Variants in ZNF512 observed in about 807,000 individuals in gnomAD.
The protein encoded by ZNF512 is zinc finger protein 512.
ZNF512 carries 25 observed loss-of-function variants against 77.5 expected under a neutral mutation model. The observed-to-expected ratio is 0.32, with a 90% confidence interval of 0.23 to 0.45. The LOEUF is 0.45. Among genes scored for constraint, ZNF512 ranks in the 20% least tolerant of loss-of-function variants. ZNF512 has a pLI of 1.00. For missense variants in ZNF512, 483 were observed against 692.6 expected, an observed-to-expected ratio of 0.70 and a Z score of 3.40; for synonymous variants, 246 against 239.9, an observed-to-expected ratio of 1.03 and a Z score of -0.24.
Position 27,603,590 on chromosome 2 carries a change from A to ATATT in ZNF512, c.936+284_936+285insATTT, listed in dbSNP as rs1553352045. On this transcript the variant is annotated intron_variant, in intron 9 of 13. Coordinates refer to ENST00000355467, the MANE Select transcript of ZNF512 (RefSeq NM_032434.4). ...TTTTATATAGTGTGTGTGTGTGTAT[A>ATATT]TTTTTTTTTTTTTTTTTCTTCAAGA... Among the ~76,000 whole-genome samples, 652 of 85,634 alleles carry ATATT rather than the reference A, an allele frequency of 7.6e-3. 10 individuals are homozygous for ATATT. Among genetic ancestry groups the ATATT allele is most frequent in the African/African-American group, 0.03 (625 of 20,874 alleles). 56.2% of individuals were successfully genotyped at this position (85,634 alleles called of 152,430 possible).
chr2:27,615,476 T>G (rs961466130), intron 11 of ZNF512, among the ~76,000 whole-genome samples: 18 of 152,240 alleles, frequency 1.2e-4, no homozygotes, highest in Non-Finnish European at 2.2e-4. Context: ...GAATCGCTCA[T>G]AAAAGTGCGT....
chr2:27,621,637 CT>C lies in ZNF512; in HGVS notation c.*177del. The C allele has an allele frequency of 1.5e-6, 1 of 668,518 alleles. No individual in the cohort carries two copies. Among genetic ancestry groups the C allele is most frequent in the Non-Finnish European group, 2.4e-6 (1 of 414,350 alleles). 41.4% of individuals were successfully genotyped at this position (668,518 alleles called of 1,614,324 possible). On this transcript the variant is annotated 3_prime_UTR_variant, in exon 14 of 14. Transcript: ENST00000355467. ...TCCCTTCTTACATTTTGATTCCCCCCTCCCCTTTTAGTAGGTTTTCCTGCTA... is the reference window on the plus strand; with the variant it reads ...TCCCTTCTTACATTTTGATTCCCCCCCCCCTTTTAGTAGGTTTTCCTGCTA...
rs1312699011 is a variant in ZNF512 at position 27,610,880 on chromosome 2, A to G, written c.1131+2841A>G. On this transcript the variant is annotated intron_variant, in intron 10 of 13. Transcript: ENST00000355467. Reference sequence around the variant, plus strand: ...AGCTACTGTGCGTGGCCTGGTTTATATTTTCGACAGCGTATAGATAAAAGG... The same window carrying G: ...AGCTACTGTGCGTGGCCTGGTTTATGTTTTCGACAGCGTATAGATAAAAGG... Among the ~76,000 whole-genome samples, 3 of 151,608 alleles carry G rather than the reference A, an allele frequency of 2.0e-5. No homozygotes were observed. The East Asian group carries it at 5.8e-4, about 29-fold the overall frequency.
rs759771200 is a variant in ZNF512 at position 27,603,320 on chromosome 2, T to A, written c.936+13T>A. Reference sequence around the variant, plus strand: ...AGAGCATGGGCCTGTGAGTACTGATTCCTTTCTATACCCTGCGTGGGGATG... The same window carrying A: ...AGAGCATGGGCCTGTGAGTACTGATACCTTTCTATACCCTGCGTGGGGATG... On this transcript the variant is annotated intron_variant, in intron 9 of 13. Coordinates refer to ENST00000355467, the MANE Select transcript of ZNF512 (RefSeq NM_032434.4). 4.3e-6 allele frequency: 7 copies of A among 1,613,388 alleles called. No homozygotes were observed. In the South Asian group the frequency reaches 7.7e-5, roughly 18 times the overall value.
Position 27,621,652 on chromosome 2 carries a change from G to A in ZNF512, c.*191G>A. On this transcript the variant is annotated 3_prime_UTR_variant, in exon 14 of 14. Transcript: ENST00000355467. ...TGATTCCCCCCTCCCCTTTTAGTAG[G>A]TTTTCCTGCTATTCCTCGTCAAGTC... 1.7e-6 allele frequency: 1 copy of A among 603,710 alleles called. No homozygotes were observed. The highest frequency in any genetic ancestry group is 3.1e-5 in the East Asian group (1 of 31,980). 37.4% of individuals were successfully genotyped at this position (603,710 alleles called of 1,614,324 possible). A position where few individuals can be genotyped will look rare whatever the true frequency, so the allele number is the denominator to read the frequency against.
At chr2:27,608,129 C>A in intron 10 of ZNF512, 90 bp downstream of exon 10, 2 of 1,178,332 alleles carry the variant, frequency 1.7e-6, no homozygotes, top group Non-Finnish European at 2.3e-6. Context: ...TGAGGAAGTA[C>A]GTGATAGGCA....
At chr2:27,614,638 A>C (rs968048513) in intron 10 of ZNF512, among the ~76,000 whole-genome samples, 1 of 150,966 alleles carries the variant, frequency 6.6e-6, no homozygotes, top group Non-Finnish European at 1.5e-5. Flanking sequence ...AGATCGTGCC[A>C]CTGCACTCCA....
At chr2:27,583,752 G>A (rs1365254639) in intron 2 of ZNF512, 36 bp downstream of exon 2, 1 of 1,611,248 alleles carries the variant, frequency 6.2e-7, no homozygotes, top group Admixed American at 1.7e-5. Flanking sequence ...TTATGATTGT[G>A]TCACCAGCGC....
chr2:27,586,348 G>A (rs910994368), intron 2 of ZNF512, among the ~76,000 whole-genome samples: 6 of 152,088 alleles, frequency 3.9e-5, no homozygotes, highest in Non-Finnish European at 8.8e-5. Flanking sequence ...TCCTGCCTCA[G>A]CCTCCCGAGT....
Position 27,600,050 on chromosome 2 carries a change from G to A in ZNF512, c.454G>A (p.Ala152Thr). 6.2e-7 allele frequency: 1 copy of A among 1,614,058 alleles called. No individual in the cohort carries two copies. The highest frequency in any genetic ancestry group is 8.5e-7 in the Non-Finnish European group (1 of 1,179,966). The change falls in exon 5 of 14, where the codon GCA (alanine) becomes ACA (threonine). Residue 152 changes from alanine to threonine, a missense_variant. By Grantham distance (58) the Ala-to-Thr change is moderately conservative. Transcript: ENST00000355467. ...RIRKEPPVYA[A>T]GSLEEQWYLE... Reference sequence around the variant, plus strand: ...TCGGAAGGAACCACCAGTTTATGCAGCAGGTATGTTTTCTTTTGGAAGTTT... The same window carrying A: ...TCGGAAGGAACCACCAGTTTATGCAACAGGTATGTTTTCTTTTGGAAGTTT...
intron 2 of ZNF512, among the ~76,000 whole-genome samples, chr2:27,590,273 A>G (rs1671517024): frequency 6.6e-6 from 1 of 152,178 alleles, no homozygotes; most frequent in Non-Finnish European, 1.5e-5. Context: ...ATGCCTTCCC[A>G]ATGATTTGAC....
chr2:27,583,420 T>A, intron 1 of ZNF512: 1 of 1,442,084 alleles, frequency 6.9e-7, no homozygotes, highest in Non-Finnish European at 9.1e-7. Context: ...TTGGCCTCCC[T>A]TTTAGAGCCT....
chr2:27,583,299 C>A, intron 1 of ZNF512, 157 bp downstream of exon 1: 1 of 1,311,638 alleles, frequency 7.6e-7, no homozygotes, highest in Non-Finnish European at 1.1e-6. Context: ...TTTCTTTACC[C>A]ACGTTCTGCT....
rs151081069 is a variant in ZNF512 at position 27,621,410 on chromosome 2, G to A, written c.1653G>A (p.Gln551=). ...CAGAGCAGGAGCCAGTGCCAGCACA[G>A]TTCCAGAAAGTAAAGCCCCCAAAGA... ...KEPEQEPVPA[Q]FQKVKPPKTN... is the part of the protein sequence containing the mutation. Residue 551 remains glutamine, a synonymous_variant, in exon 14 of 14, where the codon CAG becomes CAA. Coordinates refer to ENST00000355467, the MANE Select transcript of ZNF512 (RefSeq NM_032434.4). 3.1e-6 allele frequency: 5 copies of A among 1,613,768 alleles called. No homozygotes were observed. Among genetic ancestry groups the A allele is most frequent in the East Asian group, 2.2e-5 (1 of 44,880 alleles).
intron 2 of ZNF512, among the ~76,000 whole-genome samples, chr2:27,597,066 T>C (rs978386085): frequency 3.3e-5 from 5 of 152,228 alleles, no homozygotes; most frequent in Non-Finnish European, 7.3e-5. Context: ...GTTTATTGCT[T>C]CTAACAGCAG....
intron 13 of ZNF512, among the ~76,000 whole-genome samples, chr2:27,618,166 C>T (rs1558478293): frequency 2.0e-5 from 3 of 152,028 alleles, no homozygotes; most frequent in Non-Finnish European, 2.9e-5. Flanking sequence ...GTGATTCACT[C>T]GCCTTGGCCT....
At position 27,599,645 on chromosome 2, in the gene ZNF512, C is replaced by A; in HGVS notation, c.340C>A (p.Arg114=). 1 of 1,614,148 alleles carries A rather than the reference C, an allele frequency of 6.2e-7. No individual in the cohort carries two copies. Among genetic ancestry groups the A allele is most frequent in the Non-Finnish European group, 8.5e-7 (1 of 1,180,006 alleles). The change falls in exon 4 of 14, where the codon CGA becomes AGA. Residue 114 remains arginine, a synonymous_variant. Coordinates refer to ENST00000355467, the MANE Select transcript of ZNF512 (RefSeq NM_032434.4). ...KPRQEEDEDY[R]EFPQKKHKLY... is the part of the protein sequence containing the mutation. Reference sequence around the variant, plus strand: ...CAGGCAGGAAGAAGATGAAGACTATCGAGAATTTCCTCAGAAGAAGCATAA... The same window carrying A: ...CAGGCAGGAAGAAGATGAAGACTATAGAGAATTTCCTCAGAAGAAGCATAA...
At chr2:27,611,069 T>C (rs1195018634) in intron 10 of ZNF512, among the ~76,000 whole-genome samples, 1 of 152,182 alleles carries the variant, frequency 6.6e-6, no homozygotes, top group East Asian at 1.9e-4. Flanking sequence ...TAGCTTCTTG[T>C]GCATCTTTCC....
chr2:27,621,120 C>T (rs369061643), intron 13 of ZNF512, 33 bp from the exon 14 acceptor site: 10 of 1,593,266 alleles, frequency 6.3e-6, no homozygotes, highest in Non-Finnish European at 8.5e-6. Flanking sequence ...ACTATATTTT[C>T]GACTGGATGA....
Sources: gnomAD v4.1 joint callset for allele counts (sites outside exome capture counted in the v4.1 genomes callset) on GRCh38, gnomAD v4.1.1 for gene constraint, MANE v1.5 for transcripts, NCBI Gene and HGNC (gene_info 2026-07-23, HGNC 2026-07-21) for gene names.